Variants in SPCS1 observed in about 807,000 individuals in gnomAD.
SPCS1 encodes signal peptidase complex subunit 1, also known as SPase 12 kDa subunit.
A neutral mutation model predicts 16.4 loss-of-function variants in SPCS1; 10 were observed. That is an observed-to-expected ratio of 0.61 (90% CI 0.38 to 1.03). The LOEUF (loss-of-function observed/expected upper bound fraction) is 1.03, where lower values mean the gene tolerates loss of function less well. Among genes scored for constraint, SPCS1 ranks in the 50% least tolerant of loss-of-function variants. The probability of loss-of-function intolerance (pLI) is 0.01; values close to 1 mark genes in which losing one functional copy is unlikely to be tolerated. For missense variants in SPCS1, 118 were observed against 123.8 expected, an observed-to-expected ratio of 0.95 and a Z score of 0.22; for synonymous variants, 47 against 42.5, an observed-to-expected ratio of 1.10 and a Z score of -0.41.
intron 1 of SPCS1, 47 bp from the exon 2 acceptor site, chr3:52,706,597 G>A: frequency 1.9e-6 from 3 of 1,572,532 alleles, no homozygotes; most frequent in South Asian, 1.1e-5. Flanking sequence ...GGAATTGTAT[G>A]TTCTCGGCGG....
intron 3 of SPCS1, chr3:52,707,447 C>T (rs1471284860): frequency 2.3e-5 from 9 of 383,942 alleles, no homozygotes; most frequent in Admixed American, 2.0e-4. Flanking sequence ...AGAGCCACCA[C>T]GCCTGGCCCC....
In SPCS1 at chr3:52,709,168, G is replaced by C. The variant is rs1271770718; in HGVS notation, c.*1356G>C. 1 of 131,642 alleles carries C rather than the reference G, an allele frequency of 7.6e-6. No homozygotes were observed. The highest frequency in any genetic ancestry group is 1.6e-5 in the Non-Finnish European group (1 of 63,014). 8.2% of individuals were successfully genotyped at this position (131,642 alleles called of 1,614,324 possible). On this transcript the variant is annotated 3_prime_UTR_variant, in exon 4 of 4. Coordinates refer to ENST00000619898, the MANE Select transcript of SPCS1 (RefSeq NM_014041.5). ...CACTGTACTCCAGCCTGGGCAACAA[G>C]AAGACTCCATCTCAAAAAAAAAAAA...
rs1376847925 is a variant in SPCS1, at chr3:52,709,604, G to C, written c.*1792G>C. ...TGGTCCTAGCTACTTGAGGGGCTGAGGTGGGAGGATCACTTAAGCCCAGGA... is the reference window on the plus strand; with the variant it reads ...TGGTCCTAGCTACTTGAGGGGCTGACGTGGGAGGATCACTTAAGCCCAGGA... On this transcript the variant is annotated 3_prime_UTR_variant, in exon 4 of 4. Transcript: ENST00000619898. 1 of 150,964 alleles carries C rather than the reference G, an allele frequency of 6.6e-6. No individual in the cohort carries two copies. Among genetic ancestry groups the C allele is most frequent in the Non-Finnish European group, 1.5e-5 (1 of 67,946 alleles). 9.4% of individuals were successfully genotyped at this position (150,964 alleles called of 1,614,324 possible).
At position 52,708,492 on chromosome 3, in the gene SPCS1, A is replaced by G. The variant is rs1323579873; in HGVS notation, c.*680A>G. ...TTGAATGAGAACTGCATTGTACAAT[A>G]TGGTGCCACTAGACACGTCTATTTA... is the stretch of plus-strand genomic sequence containing the variant. On this transcript the variant is annotated 3_prime_UTR_variant, in exon 4 of 4. Transcript: ENST00000619898. 1.3e-5 allele frequency: 2 copies of G among 152,244 alleles called. No homozygotes were observed. Among genetic ancestry groups the G allele is most frequent in the East Asian group, 1.9e-4 (1 of 5,204 alleles). 9.4% of individuals were successfully genotyped at this position (152,244 alleles called of 1,614,324 possible). A position where few individuals can be genotyped will look rare whatever the true frequency, so the allele number is the denominator to read the frequency against.
rs186157740 is a variant in SPCS1 at position 52,706,738 on chromosome 3, G to A, written c.96+35G>A. Reference sequence around the variant, plus strand: ...GGTTTTACATTTAATCTCCGCCCCCGCCTCCCTCCCAACCCTCAGTTTGAG... The same window carrying A: ...GGTTTTACATTTAATCTCCGCCCCCACCTCCCTCCCAACCCTCAGTTTGAG... On this transcript the variant is annotated intron_variant, in intron 2 of 3. Coordinates refer to ENST00000619898, the MANE Select transcript of SPCS1 (RefSeq NM_014041.5). 35 of 1,608,202 alleles carry A rather than the reference G, an allele frequency of 2.2e-5. No individual in the cohort carries two copies. In the Admixed American group the frequency reaches 5.0e-4, roughly 23 times the overall value.
rs1361915438 is a variant in SPCS1, at chr3:52,706,711, T to C, written c.96+8T>C. ...ATTATTCTTTTTTCTGCAGTAAGTATTGGTTTTACATTTAATCTCCGCCCC... is the reference window on the plus strand; with the variant it reads ...ATTATTCTTTTTTCTGCAGTAAGTACTGGTTTTACATTTAATCTCCGCCCC... On this transcript the variant is annotated splice_region_variant and intron_variant, in intron 2 of 3. Coordinates refer to ENST00000619898, the MANE Select transcript of SPCS1 (RefSeq NM_014041.5). The C allele has an allele frequency of 4.3e-6, 7 of 1,613,210 alleles. No homozygotes were observed. The highest frequency in any genetic ancestry group is 1.3e-5 in the African/African-American group (1 of 74,872).
At chr3:52,706,368 C>G in intron 1 of SPCS1, 86 bp downstream of exon 1, 1 of 1,423,708 alleles carries the variant, frequency 7.0e-7, no homozygotes, top group Non-Finnish European at 9.5e-7. Flanking sequence ...CCCGGTGCTG[C>G]GCTGTTCCGG....
At chr3:52,706,737 C>G in intron 2 of SPCS1, 34 bp downstream of exon 2, 1 of 1,608,558 alleles carries the variant, frequency 6.2e-7, no homozygotes, top group Non-Finnish European at 8.5e-7. Flanking sequence ...TCTCCGCCCC[C>G]GCCTCCCTCC....
intron 1 of SPCS1, 120 bp downstream of exon 1, chr3:52,706,402 T>G: frequency 1.8e-6 from 2 of 1,137,436 alleles, no homozygotes; most frequent in Non-Finnish European, 2.5e-6. Context: ...CCGTCCACCC[T>G]CTTTCCCGAA....
chr3:52,707,575 T>TG, intron 3 of SPCS1, 112 bp from the exon 4 acceptor site: 1 of 1,143,160 alleles, frequency 8.7e-7, no homozygotes, highest in Non-Finnish European at 1.3e-6. Flanking sequence ...ATTTTTTTTT[T>TG]TGTTTTTTTG....
At chr3:52,706,314 C>T (rs1278478824) in intron 1 of SPCS1, 32 bp downstream of exon 1, 4 of 1,582,736 alleles carry the variant, frequency 2.5e-6, no homozygotes, top group South Asian at 1.1e-5. Flanking sequence ...CTCTGCACGC[C>T]GTTCTTGTGC....
In SPCS1 at chr3:52,707,136, G is replaced by A. The variant is rs1578601516; in HGVS notation, c.183+257G>A. 4 of 463,516 alleles carry A rather than the reference G, an allele frequency of 8.6e-6. No homozygotes were observed. In the East Asian group the frequency reaches 1.6e-4, roughly 19 times the overall value. 28.7% of individuals were successfully genotyped at this position (463,516 alleles called of 1,614,324 possible). Reference sequence around the variant, plus strand: ...GTCAAAGCCAGCAGGAGTTTTCATGGTGCTCACGTTGTCCCTTCACCTTTT... The same window carrying A: ...GTCAAAGCCAGCAGGAGTTTTCATGATGCTCACGTTGTCCCTTCACCTTTT... On this transcript the variant is annotated intron_variant, in intron 3 of 3. Transcript: ENST00000619898.
Position 52,706,831 on chromosome 3 carries a change from C to T in SPCS1, c.135C>T (p.Phe45=), listed in dbSNP as rs1236933207. The change falls in exon 3 of 4, where the codon TTC becomes TTT. Residue 45 remains phenylalanine (F), a synonymous_variant. Transcript: ENST00000619898. ...TCTACGGGTACGTGGCTGAACAGTTCGGGTGGACTGTCTATATAGTTATGG... is the reference window on the plus strand; with the variant it reads ...TCTACGGGTACGTGGCTGAACAGTTTGGGTGGACTGTCTATATAGTTATGG... ...GFIYGYVAEQ[F]GWTVYIVMAG... 6.2e-7 allele frequency: 1 copy of T among 1,613,980 alleles called. No individual in the cohort carries two copies. Among genetic ancestry groups the T allele is most frequent in the South Asian group, 1.1e-5 (1 of 91,056 alleles).
At chr3:52,707,488 T>C in intron 3 of SPCS1, 199 bp from the exon 4 acceptor site, 1 of 542,564 alleles carries the variant, frequency 1.8e-6, no homozygotes, top group South Asian at 2.6e-5. Flanking sequence ...AAGCCATTTG[T>C]ATAGGCAGTG....
At chr3:52,707,659 T>C (rs374725106) in intron 3 of SPCS1, 28 bp from the exon 4 acceptor site, 2 of 1,607,930 alleles carry the variant, frequency 1.2e-6, no homozygotes, top group African/African-American at 2.7e-5. Flanking sequence ...ATAGCTATAA[T>C]TTATGCATTT....
chr3:52,709,649 TATG>T lies in SPCS1; in HGVS notation c.*1840_*1842del, dbSNP rs1198368408. The T allele has an allele frequency of 7.5e-6, 1 of 133,660 alleles. No individual in the cohort carries two copies. Among genetic ancestry groups the T allele is most frequent in the Admixed American group, 9.4e-5 (1 of 10,588 alleles). The allele number at this position is 133,660 out of a possible 1,614,324, so 8.3% of individuals were successfully genotyped here. On this transcript the variant is annotated 3_prime_UTR_variant, in exon 4 of 4. Coordinates refer to ENST00000619898, the MANE Select transcript of SPCS1 (RefSeq NM_014041.5). The stretch of plus-strand genomic sequence containing the variant: ...CCAGGAGGTCAAGGCTGCAGTGAGC[TATG>T]ATCACCTCACTGCACTCCAGGCTGG...
At position 52,710,402 on chromosome 3, in the gene SPCS1, ACATTT is replaced by A. The variant is rs2097349237; in HGVS notation, c.*2595_*2599del. ...AAATTGTTAAGTGGCTGTAAAGGGAACATTTCATTAGAGTATTTGTGTGTGTGTGT... is the reference window on the plus strand; with the variant it reads ...AAATTGTTAAGTGGCTGTAAAGGGAACATTAGAGTATTTGTGTGTGTGTGT... On this transcript the variant is annotated 3_prime_UTR_variant, in exon 4 of 4. Coordinates refer to ENST00000619898, the MANE Select transcript of SPCS1 (RefSeq NM_014041.5). 3 of 151,926 alleles carry A rather than the reference ACATTT, an allele frequency of 2.0e-5. No homozygotes were observed. Among genetic ancestry groups the A allele is most frequent in the African/African-American group, 7.2e-5 (3 of 41,414 alleles). The allele number at this position is 151,926 out of a possible 1,614,324, so 9.4% of individuals were successfully genotyped here. A position where few individuals can be genotyped will look rare whatever the true frequency, so the allele number is the denominator to read the frequency against.
At position 52,706,642 on chromosome 3, in the gene SPCS1, A is replaced by G; in HGVS notation, c.37-2A>G. The G allele has an allele frequency of 6.2e-7, 1 of 1,613,710 alleles. No individual in the cohort carries two copies. Among genetic ancestry groups the G allele is most frequent in the Non-Finnish European group, 8.5e-7 (1 of 1,179,700 alleles). On this transcript the variant is annotated splice_acceptor_variant, in intron 1 of 3. Transcript: ENST00000619898. LOFTEE classifies it high-confidence loss of function. ...TTCTTTTTTTCCTCTGCTTCACCCC[A>G]GGATTACAAGGGCCAGAAGCTAGCT...
chr3:52,706,598 T>A, intron 1 of SPCS1, 46 bp from the exon 2 acceptor site: 1 of 1,575,296 alleles, frequency 6.3e-7, no homozygotes, highest in East Asian at 2.2e-5. Context: ...GAATTGTATG[T>A]TCTCGGCGGT....
Sources: allele counts gnomAD v4.1 joint callset, GRCh38; gene constraint gnomAD v4.1.1; transcripts MANE v1.5; gene names NCBI Gene and HGNC (gene_info 2026-07-23, HGNC 2026-07-21).